The following CSMD2 variants were observed in gnomAD, a reference collection of about 807,000 sequenced individuals.
CSMD2 encodes CUB and Sushi multiple domains 2.
CSMD2 carries 130 observed loss-of-function variants against 398.5 expected under a neutral mutation model. The ratio of observed to expected loss-of-function variants is 0.33; its 90% CI spans 0.28 to 0.38. The LOEUF is 0.38. CSMD2 is among the 10% of genes least tolerant of loss of function. The pLI is 1.00. For synonymous variants in CSMD2, 1,828 were observed against 1,908.5 expected, an observed-to-expected ratio of 0.96 and a Z score of 1.10; for missense variants, 3,829 against 4,764.9, an observed-to-expected ratio of 0.80 and a Z score of 5.78.
In CSMD2 at chr1:33,646,767, A is replaced by G. The variant is rs1165693355; in HGVS notation, c.4655T>C (p.Ile1552Thr). 1 of 1,614,150 alleles carries G rather than the reference A, an allele frequency of 6.2e-7. No homozygotes were observed. Residue 1552 changes from isoleucine to threonine, a missense_variant, in exon 29 of 71, where the codon ATA (isoleucine) becomes ACA (threonine). Coordinates refer to ENST00000373381, the MANE Select transcript of CSMD2 (RefSeq NM_001281956.2). ...GAGCTGGGAGCCATAGAAGCTTCCT[A>G]TGAGAGGGCTGAGAGAGTCCCGTCC... ...YDGRDSLSPL[I>T]GSFYGSQLPG...
At chr1:33,723,671 G>A (rs938325826) in intron 19 of CSMD2, among the ~76,000 whole-genome samples, 6 of 152,214 alleles carry the variant, frequency 3.9e-5, no homozygotes, top group African/African-American at 1.4e-4. Context: ...ATGCAAGAAG[G>A]GGATCGCTGT....
intron 53 of CSMD2, among the ~76,000 whole-genome samples, chr1:33,561,277 C>T (rs1243232979): frequency 6.6e-6 from 1 of 152,012 alleles, no homozygotes; most frequent in Non-Finnish European, 1.5e-5. Flanking sequence ...GTTAGTGGAC[C>T]ACAGGGGTTC....
chr1:33,807,643 T>C (rs1998714), intron 10 of CSMD2, among the ~76,000 whole-genome samples: 30,587 of 152,028 alleles, frequency 0.2, 6,681 homozygotes, highest in African/African-American at 0.55. Flanking sequence ...ACACACACCA[T>C]AGAGTATGAA....
intron 56 of CSMD2, among the ~76,000 whole-genome samples, chr1:33,546,776 C>T (rs1026914681): frequency 6.6e-6 from 1 of 151,796 alleles, no homozygotes; most frequent in African/African-American, 2.4e-5. Flanking sequence ...TCTTTACTGG[C>T]TCCCCGATGC....
At chr1:34,043,702 G>C (rs1219693510) in intron 2 of CSMD2, among the ~76,000 whole-genome samples, 3 of 152,164 alleles carry the variant, frequency 2.0e-5, no homozygotes, top group African/African-American at 7.2e-5. Context: ...CTGGCATCTG[G>C]GAACCGGGAT....
At chr1:33,989,103 T>C (rs1314514141) in intron 3 of CSMD2, among the ~76,000 whole-genome samples, 1 of 140,186 alleles carries the variant, frequency 7.1e-6, no homozygotes, top group Non-Finnish European at 1.5e-5. Flanking sequence ...TATTAATATA[T>C]ATGAATTATA....
chr1:33,955,371 T>G (rs1047480949), intron 3 of CSMD2, among the ~76,000 whole-genome samples: 9 of 152,208 alleles, frequency 5.9e-5, no homozygotes, highest in Admixed American at 5.9e-4. Context: ...CTGGGGCCTG[T>G]GCAGAGGATG....
intron 8 of CSMD2, among the ~76,000 whole-genome samples, chr1:33,820,248 C>T (rs766131167): frequency 2.0e-5 from 3 of 152,162 alleles, no homozygotes; most frequent in Non-Finnish European, 4.4e-5. Flanking sequence ...CTGGATAACA[C>T]TGGCAGTCTA....
At chr1:33,907,909 A>G (rs1159337597) in intron 5 of CSMD2, among the ~76,000 whole-genome samples, 1 of 151,956 alleles carries the variant, frequency 6.6e-6, no homozygotes, top group Non-Finnish European at 1.5e-5. Context: ...CAATATGGTG[A>G]AACACCATCT....
chr1:33,562,084 G>C (rs566547364), intron 53 of CSMD2, among the ~76,000 whole-genome samples: 1 of 152,164 alleles, frequency 6.6e-6, no homozygotes, highest in Admixed American at 6.6e-5. Context: ...CTACAGGAGG[G>C]GGTAGTTGTC....
intron 32 of CSMD2, among the ~76,000 whole-genome samples, chr1:33,632,287 G>A (rs1367076988): frequency 6.6e-6 from 1 of 152,036 alleles, no homozygotes; most frequent in Admixed American, 6.5e-5. Context: ...GATAGCATGG[G>A]AAATTTACAT....
chr1:33,612,975 C>T (rs1445333466), intron 40 of CSMD2, among the ~76,000 whole-genome samples: 3 of 152,234 alleles, frequency 2.0e-5, no homozygotes, highest in South Asian at 2.1e-4. Flanking sequence ...TATAGGAGCC[C>T]TGCGGGCTGC....
intron 53 of CSMD2, among the ~76,000 whole-genome samples, chr1:33,567,211 T>C (rs2148678541): frequency 6.6e-6 from 1 of 152,070 alleles, no homozygotes; most frequent in Non-Finnish European, 1.5e-5. Flanking sequence ...TAAACATTTA[T>C]TATTAGACTC....
chr1:33,930,332 G>T (rs895754061), intron 4 of CSMD2, among the ~76,000 whole-genome samples: 8 of 152,192 alleles, frequency 5.3e-5, no homozygotes, highest in African/African-American at 1.9e-4. Context: ...GGCTTACCTA[G>T]GGTTGAACCC....
At chr1:33,649,188 A>G (rs1237046661) in intron 28 of CSMD2, among the ~76,000 whole-genome samples, 4 of 152,236 alleles carry the variant, frequency 2.6e-5, no homozygotes, top group African/African-American at 4.8e-5. Flanking sequence ...ACAATAGAAA[A>G]GTAAATGAGC....
chr1:34,144,283 G>C (rs889533227), intron 1 of CSMD2, among the ~76,000 whole-genome samples: 1 of 152,170 alleles, frequency 6.6e-6, no homozygotes, highest in Admixed American at 6.5e-5. Context: ...GAGAGAACAT[G>C]TTCATCCTAC....
Position 33,537,347 on chromosome 1 carries a change from G to T in CSMD2, c.9805+89C>A. ...CCCTTTTGCAGATGAGACCACTGAA[G>T]ACAGGGAAGGAAAGTAATCATCTCA... On this transcript the variant is annotated intron_variant, in intron 61 of 70. Coordinates refer to ENST00000373381, the MANE Select transcript of CSMD2 (RefSeq NM_001281956.2). This position sits in a 1 kb window ranked among gnomAD's most constrained non-coding sequence, Gnocchi z 4.6. 7.2e-7 allele frequency: 1 copy of T among 1,394,672 alleles called. No individual in the cohort carries two copies. The highest frequency in any genetic ancestry group is 9.9e-7 in the Non-Finnish European group (1 of 1,014,528). 86.4% of individuals were successfully genotyped at this position (1,394,672 alleles called of 1,614,324 possible).
intron 3 of CSMD2, among the ~76,000 whole-genome samples, chr1:33,962,404 C>T (rs888607675): frequency 6.6e-6 from 1 of 152,020 alleles, no homozygotes; most frequent in Non-Finnish European, 1.5e-5. Context: ...AGCATCTGTG[C>T]AAACACACAT....
chr1:34,023,162 CAATT>C (rs1649153112), intron 3 of CSMD2, among the ~76,000 whole-genome samples: 1 of 152,090 alleles, frequency 6.6e-6, no homozygotes, highest in South Asian at 2.1e-4. Context: ...CCCTTTAACC[CAATT>C]AAAGGGTTTC....
Sources: allele counts gnomAD v4.1 joint callset (sites outside exome capture counted in the v4.1 genomes callset), GRCh38; gene constraint gnomAD v4.1.1; non-coding constraint Gnocchi (gnomAD v3.1); transcripts MANE v1.5; gene names NCBI Gene and HGNC (gene_info 2026-07-23, HGNC 2026-07-21).